The following ENTREP2 variants were observed in gnomAD, a reference collection of about 807,000 sequenced individuals.
ENTREP2 encodes the protein protein ENTREP2.
chr15:29,524,326 C>T, the ENTREP2 span, among the ~76,000 whole-genome samples: 1 of 152,150 alleles, frequency 6.6e-6, no homozygotes, highest in African/African-American at 2.4e-5. Context: ...CAAGAAAGCA[C>T]ATCACAATCA....
the ENTREP2 span, among the ~76,000 whole-genome samples, chr15:29,333,961 A>G: frequency 0.012 from 1,806 of 152,116 alleles, 37 homozygotes; most frequent in African/African-American, 0.041. Flanking sequence ...AAGGAACGTC[A>G]CGTCACGGAT....
chr15:29,650,347 CTT>C, the ENTREP2 span, among the ~76,000 whole-genome samples: 2 of 152,146 alleles, frequency 1.3e-5, no homozygotes, highest in African/African-American at 4.8e-5. Flanking sequence ...GATCCCAACA[CTT>C]TGGGAGGCTG....
At chr15:29,332,048 G>A in the ENTREP2 span, among the ~76,000 whole-genome samples, 38 of 152,314 alleles carry the variant, frequency 2.5e-4, no homozygotes, top group South Asian at 5.8e-3. Context: ...TAAATAATCC[G>A]TGTCAATAAT....
the ENTREP2 span, among the ~76,000 whole-genome samples, chr15:29,427,430 C>CA: frequency 6.6e-6 from 1 of 152,148 alleles, no homozygotes; most frequent in African/African-American, 2.4e-5. Context: ...TAAAACAATA[C>CA]AAAATTATCA....
At chr15:29,290,184 G>A in the ENTREP2 span, among the ~76,000 whole-genome samples, 2,816 of 152,152 alleles carry the variant, frequency 0.019, 75 homozygotes, top group African/African-American at 0.047. Flanking sequence ...TCTGCACACC[G>A]GGCAGCCCCT....
the ENTREP2 span, among the ~76,000 whole-genome samples, chr15:29,604,633 AT>A: frequency 6.6e-6 from 1 of 152,204 alleles, no homozygotes; most frequent in African/African-American, 2.4e-5. Flanking sequence ...TGCTCAGCAG[AT>A]TTTGAATATT....
At chr15:29,431,239 C>G in the ENTREP2 span, among the ~76,000 whole-genome samples, 1 of 152,128 alleles carries the variant, frequency 6.6e-6, no homozygotes, top group Non-Finnish European at 1.5e-5. Flanking sequence ...TATACCCAGG[C>G]CATAAATTTC....
the ENTREP2 span, among the ~76,000 whole-genome samples, chr15:29,361,700 C>T: frequency 2.6e-5 from 4 of 152,286 alleles, no homozygotes; most frequent in Admixed American, 1.3e-4. Flanking sequence ...GACGACCACT[C>T]TGTGCTCACG....
chr15:29,120,855 C>T, the ENTREP2 span: 4 of 152,318 alleles, frequency 2.6e-5, no homozygotes, highest in African/African-American at 9.6e-5. Context: ...TGCTGGTACC[C>T]GGATGCCGTG....
At chr15:29,378,636 T>A in the ENTREP2 span, among the ~76,000 whole-genome samples, 3 of 152,162 alleles carry the variant, frequency 2.0e-5, no homozygotes, top group African/African-American at 7.2e-5. Context: ...CAGCCTCAGC[T>A]CTTCCCTCCA....
At chr15:29,329,234 G>A in the ENTREP2 span, among the ~76,000 whole-genome samples, 2 of 151,988 alleles carry the variant, frequency 1.3e-5, no homozygotes, top group Non-Finnish European at 2.9e-5. Context: ...ATGGTGGCAG[G>A]TGCCTGTAGT....
the ENTREP2 span, among the ~76,000 whole-genome samples, chr15:29,331,648 A>G: frequency 6.6e-6 from 1 of 152,228 alleles, no homozygotes; most frequent in African/African-American, 2.4e-5. Context: ...ATATTCAGCA[A>G]TGACAGCATG....
chr15:29,480,765 C>T, the ENTREP2 span, among the ~76,000 whole-genome samples: 7 of 152,210 alleles, frequency 4.6e-5, no homozygotes, highest in East Asian at 7.7e-4. Flanking sequence ...TCCCATTTCC[C>T]GGGCAACTCT....
At chr15:29,553,121 C>T in the ENTREP2 span, among the ~76,000 whole-genome samples, 1 of 152,164 alleles carries the variant, frequency 6.6e-6, no homozygotes, top group Admixed American at 6.5e-5. Context: ...CATGGCGAAA[C>T]CCCGTCTCTA....
At chr15:29,422,562 C>A in the ENTREP2 span, among the ~76,000 whole-genome samples, 1 of 152,224 alleles carries the variant, frequency 6.6e-6, no homozygotes, top group African/African-American at 2.4e-5. Flanking sequence ...AGACAACTAT[C>A]CCAGTGGCTG....
chr15:29,535,061 A>C, the ENTREP2 span, among the ~76,000 whole-genome samples: 1 of 151,718 alleles, frequency 6.6e-6, no homozygotes, highest in East Asian at 2.0e-4. Flanking sequence ...CCTGGGCAAC[A>C]CAGGGAGACC....
chr15:29,282,466 C>CTT, the ENTREP2 span, among the ~76,000 whole-genome samples: 1 of 152,198 alleles, frequency 6.6e-6, no homozygotes, highest in African/African-American at 2.4e-5. Context: ...ATCATCCTAA[C>CTT]TTGAATGATG....
the ENTREP2 span, among the ~76,000 whole-genome samples, chr15:29,489,165 G>C: frequency 6.6e-6 from 1 of 151,854 alleles, no homozygotes; most frequent in Non-Finnish European, 1.5e-5. Flanking sequence ...ACTGGCTTCT[G>C]ACAAACTGAT....
chr15:29,392,911 A>G, the ENTREP2 span, among the ~76,000 whole-genome samples: 1 of 152,138 alleles, frequency 6.6e-6, no homozygotes, highest in South Asian at 2.1e-4. Context: ...CAGATCATCA[A>G]TTGTCTCTGC....
Sources: allele counts gnomAD v4.1 joint callset (sites outside exome capture counted in the v4.1 genomes callset), GRCh38; gene constraint gnomAD v4.1.1; transcripts MANE v1.5; gene names NCBI Gene and HGNC (gene_info 2026-07-23, HGNC 2026-07-21).